PTPN3: variants seen among roughly 807,000 people sequenced by gnomAD.
PTPN3 encodes protein tyrosine phosphatase non-receptor type 3, also known as tyrosine-protein phosphatase non-receptor type 3.
In PTPN3, 96 loss-of-function variants were observed where a neutral mutation model predicts 132.7. That is an observed-to-expected ratio of 0.72 (90% CI 0.61 to 0.86). The LOEUF is 0.86. Ranked by LOEUF, PTPN3 falls within the 40% of genes least tolerant of loss-of-function variation. The pLI, the probability that PTPN3 is intolerant of heterozygous loss-of-function variation, is 0.00. For missense variants in PTPN3, 1,125 were observed against 1,159.6 expected (o/e 0.97, Z 0.43); for synonymous variants, 398 against 429.0 (o/e 0.93, Z 0.89).
the PTPN3 span, among the ~76,000 whole-genome samples, chr9:109,511,060 T>A: frequency 9.2e-5 from 14 of 152,096 alleles, no homozygotes; most frequent in African/African-American, 3.1e-4. Flanking sequence ...CATAAAATAT[T>A]TAGGGGCATA....
In PTPN3 at chr9:109,494,227, T is replaced by C. The variant is rs374243568; in HGVS notation, c.-18+3992A>G. On this transcript the variant is annotated intron_variant, in intron 1 of 25. Transcript: ENST00000374541. ...TGGCTCACGCCTATATCTCCACACT[T>C]TGGGAGGCCAAGGCAGGAGGACTGT... 4.6e-5 allele frequency among the ~76,000 whole-genome samples: 7 copies of C among 152,248 alleles called. No homozygotes were observed. In the East Asian group the frequency reaches 1.2e-3, roughly 25 times the overall value.
At chr9:109,433,019 TAGGC>T in intron 10 of PTPN3, 50 bp downstream of exon 10, 1 of 1,600,022 alleles carries the variant, frequency 6.2e-7, no homozygotes, top group Non-Finnish European at 8.5e-7. Context: ...TTACTTTTGT[TAGGC>T]ATATTTTTAA....
chr9:109,402,281 ATTTCCTTTTT>A (rs776637883), intron 19 of PTPN3, among the ~76,000 whole-genome samples: 12,679 of 150,956 alleles, frequency 0.084, 735 homozygotes, highest in Non-Finnish European at 0.12. Context: ...TAACCTCTAC[ATTTCCTTTTT>A]TTTTTATTTT....
Position 109,427,060 on chromosome 9 carries a change from C to T in PTPN3, c.891G>A (p.Leu297=). ...NMLNYRSCKN[L]WKSCVEHHTF... ...TATGGTGCTCAACACAGGATTTCCA[C>T]AAGTTTTTGCAAGATCGGTAATTCA... is the stretch of plus-strand genomic sequence containing the variant. Residue 297 remains leucine (L), a synonymous_variant, in exon 12 of 26, where the codon TTG becomes TTA. Coordinates refer to ENST00000374541, the MANE Select transcript of PTPN3 (RefSeq NM_002829.4). 6.2e-7 allele frequency: 1 copy of T among 1,614,080 alleles called. No individual in the cohort carries two copies. The highest frequency in any genetic ancestry group is 8.5e-7 in the Non-Finnish European group (1 of 1,179,948).
At chr9:109,497,449 G>C (rs148341750) in intron 1 of PTPN3, among the ~76,000 whole-genome samples, 1 of 152,250 alleles carries the variant, frequency 6.6e-6, no homozygotes, top group African/African-American at 2.4e-5. Context: ...CTGGCCAAGG[G>C]GGAGCCCAAC....
chr9:109,527,206 A>T, the PTPN3 span, among the ~76,000 whole-genome samples: 1 of 152,232 alleles, frequency 6.6e-6, no homozygotes, highest in Non-Finnish European at 1.5e-5. Context: ...CACACCTATA[A>T]TCCTAGCACT....
chr9:109,477,882 A>T (rs1846762877), intron 1 of PTPN3, among the ~76,000 whole-genome samples: 1 of 152,216 alleles, frequency 6.6e-6, no homozygotes, highest in African/African-American at 2.4e-5. Flanking sequence ...TTCTCAGCAA[A>T]CTAGAGCTCC....
At position 109,410,337 on chromosome 9, in the gene PTPN3, A is replaced by G. The variant is rs898962534; in HGVS notation, c.1392T>C (p.Ala464=). 6.8e-6 allele frequency: 11 copies of G among 1,614,018 alleles called. No individual in the cohort carries two copies. Among genetic ancestry groups the G allele is most frequent in the African/African-American group, 1.3e-5 (1 of 74,914 alleles). ...SSSSVSPSSN[A]PGSCSPDGVD... Reference sequence around the variant, plus strand: ...CGCCGTCAGGTGAGCAGGAGCCTGGAGCATTTGAAGATGGAGACACAGAAC... The same window carrying G: ...CGCCGTCAGGTGAGCAGGAGCCTGGGGCATTTGAAGATGGAGACACAGAAC... Residue 464 remains alanine (A), a synonymous_variant, in exon 15 of 26, where the codon GCT becomes GCC. Transcript: ENST00000374541.
intron 13 of PTPN3, among the ~76,000 whole-genome samples, chr9:109,422,323 C>T (rs535547317): frequency 1.3e-5 from 2 of 152,284 alleles, no homozygotes; most frequent in East Asian, 1.9e-4. Flanking sequence ...ACATCACGTA[C>T]CTGCGTTAGT....
intron 19 of PTPN3, among the ~76,000 whole-genome samples, chr9:109,395,382 T>C (rs1840493270): frequency 6.6e-6 from 1 of 152,200 alleles, no homozygotes; most frequent in African/African-American, 2.4e-5. Flanking sequence ...GTTTTGGCCT[T>C]TGGAAAGTTT....
chr9:109,444,249 T>C (rs1588437862), intron 7 of PTPN3, among the ~76,000 whole-genome samples: 1 of 152,226 alleles, frequency 6.6e-6, no homozygotes, highest in East Asian at 1.9e-4. Context: ...TGAACTGTAC[T>C]GCCACCACAA....
chr9:109,463,146 G>A (rs1214612779), intron 2 of PTPN3, 151 bp downstream of exon 2: 2 of 824,336 alleles, frequency 2.4e-6, no homozygotes, highest in Non-Finnish European at 3.5e-6. Context: ...ACATTTTTAA[G>A]TATTTCCAGT....
intron 7 of PTPN3, among the ~76,000 whole-genome samples, chr9:109,442,685 A>G (rs1271266813): frequency 1.3e-5 from 2 of 152,246 alleles, no homozygotes; most frequent in East Asian, 3.8e-4. Context: ...AAAATACAGT[A>G]AGAGCTAACA....
At chr9:109,415,687 A>G (rs1402873251) in intron 14 of PTPN3, among the ~76,000 whole-genome samples, 1 of 152,170 alleles carries the variant, frequency 6.6e-6, no homozygotes, top group East Asian at 1.9e-4. Context: ...GAGGAGTCAA[A>G]TGTAAGAGAT....
chr9:109,425,095 T>C lies in PTPN3; in HGVS notation c.1001+1855A>G, dbSNP rs578034697. 6.6e-4 allele frequency among the ~76,000 whole-genome samples: 101 copies of C among 152,270 alleles called. 1 individual carries two copies. The highest frequency in any genetic ancestry group is 6.1e-3 in the Admixed American group (94 of 15,288). Reference sequence around the variant, plus strand: ...CCAGTAAGTTATTTTCATGGCTTGCTCAACAGTAGATCTACTGAATGTATA... The same window carrying C: ...CCAGTAAGTTATTTTCATGGCTTGCCCAACAGTAGATCTACTGAATGTATA... On this transcript the variant is annotated intron_variant, in intron 12 of 25. Coordinates refer to ENST00000374541, the MANE Select transcript of PTPN3 (RefSeq NM_002829.4).
At position 109,389,233 on chromosome 9, in the gene PTPN3, C is replaced by A; in HGVS notation, c.2253G>T (p.Arg751=). The A allele has an allele frequency of 1.2e-6, 2 of 1,613,918 alleles. No individual in the cohort carries two copies. Among genetic ancestry groups the A allele is most frequent in the South Asian group, 2.2e-5 (2 of 91,012 alleles). The change falls in exon 22 of 26, where the codon CGG becomes CGT. Residue 751 remains arginine, a splice_region_variant and synonymous_variant. Transcript: ENST00000374541. ...VMLTTLTERG[R]TKCHQYWPDP... The stretch of plus-strand genomic sequence containing the variant: ...CTGAATTAGAAATCAAGCTACTTAC[C>A]CGCCCTCGTTCTGTGAGAGTCGTCA...
the PTPN3 span, among the ~76,000 whole-genome samples, chr9:109,527,758 T>G: frequency 1.3e-5 from 2 of 152,032 alleles, no homozygotes; most frequent in African/African-American, 4.8e-5. Context: ...TGCATATCAA[T>G]AAAAATAGAT....
intron 19 of PTPN3, among the ~76,000 whole-genome samples, chr9:109,397,224 C>T (rs113632189): frequency 0.02 from 3,061 of 152,288 alleles, 45 homozygotes; most frequent in Non-Finnish European, 0.027. Context: ...TCAGCCACTA[C>T]GGCATTATCT....
chr9:109,523,398 G>A, the PTPN3 span, among the ~76,000 whole-genome samples: 1 of 152,232 alleles, frequency 6.6e-6, no homozygotes, highest in South Asian at 2.1e-4. Flanking sequence ...ACAGGCATGA[G>A]CCACTGTGCC....
Sources: gnomAD v4.1 joint callset for allele counts (sites outside exome capture counted in the v4.1 genomes callset) on GRCh38, gnomAD v4.1.1 for gene constraint, MANE v1.5 for transcripts, NCBI Gene and HGNC (gene_info 2026-07-23, HGNC 2026-07-21) for gene names.